SNTG1: variants seen among roughly 807,000 people sequenced by gnomAD.
SNTG1 encodes the protein syntrophin gamma 1, also known as gamma-1-syntrophin.
Under a neutral mutation model 74.7 loss-of-function variants are expected in SNTG1, and 39 were observed. The observed-to-expected ratio is 0.52, with a 90% CI of 0.40 to 0.68. SNTG1 has a LOEUF of 0.68. Among genes scored for constraint, SNTG1 ranks in the 30% least tolerant of loss-of-function variants. The probability of loss-of-function intolerance (pLI) is 0.00; values close to 1 mark genes in which losing one functional copy is unlikely to be tolerated. For synonymous variants in SNTG1, 254 were observed against 217.1 expected (o/e 1.17, Z -1.49); for missense variants, 685 against 609.5 (o/e 1.12, Z -1.30).
At chr8:50,244,548 T>C (rs569718565) in intron 2 of SNTG1, among the ~76,000 whole-genome samples, 1 of 152,182 alleles carries the variant, frequency 6.6e-6, no homozygotes, top group Non-Finnish European at 1.5e-5. Flanking sequence ...CAAGCATATA[T>C]ATTTTTAAAT....
Position 50,710,608 on chromosome 8 carries a change from G to A in SNTG1, c.1284+1630G>A, listed in dbSNP as rs1282147396. Among the ~76,000 whole-genome samples the A allele has an allele frequency of 2.0e-5, 3 of 152,174 alleles. No individual in the cohort carries two copies. The East Asian group carries it at 5.8e-4, about 29-fold the overall frequency. Reference sequence around the variant, plus strand: ...AAAATTCACATGAATATATTTCTGAGTATGCGAATCTATTCTGAGTTTATT... The same window carrying A: ...AAAATTCACATGAATATATTTCTGAATATGCGAATCTATTCTGAGTTTATT... On this transcript the variant is annotated intron_variant, in intron 17 of 18. Coordinates refer to ENST00000642720, the MANE Select transcript of SNTG1 (RefSeq NM_018967.5).
At chr8:50,274,732 T>G (rs2087996833) in intron 2 of SNTG1, among the ~76,000 whole-genome samples, 1 of 152,154 alleles carries the variant, frequency 6.6e-6, no homozygotes, top group Non-Finnish European at 1.5e-5. Context: ...TCTCTCTATA[T>G]TCCTAATTTG....
chr8:50,661,904 A>T (rs2095225750), intron 15 of SNTG1, among the ~76,000 whole-genome samples: 1 of 152,150 alleles, frequency 6.6e-6, no homozygotes. Flanking sequence ...TTGACATTAG[A>T]CATATAAAGC....
chr8:50,424,983 A>C (rs903929694), intron 4 of SNTG1, among the ~76,000 whole-genome samples: 1 of 152,198 alleles, frequency 6.6e-6, no homozygotes. Flanking sequence ...GGAATATAAA[A>C]AGTGTATGTG....
intron 2 of SNTG1, among the ~76,000 whole-genome samples, chr8:50,185,146 CAT>C (rs2083334443): frequency 6.6e-6 from 1 of 152,174 alleles, no homozygotes; most frequent in East Asian, 1.9e-4. Context: ...GTAATCCCCA[CAT>C]GTCAAGGGCA....
At chr8:49,979,344 C>A (rs1391780182) in intron 1 of SNTG1, among the ~76,000 whole-genome samples, 1 of 152,236 alleles carries the variant, frequency 6.6e-6, no homozygotes, top group African/African-American at 2.4e-5. Flanking sequence ...TGTCCTACAG[C>A]CGTTTCAGCA....
chr8:50,677,104 A>G (rs1473817392), intron 15 of SNTG1, among the ~76,000 whole-genome samples: 1 of 152,004 alleles, frequency 6.6e-6, no homozygotes, highest in Non-Finnish European at 1.5e-5. Context: ...TTTATGAATG[A>G]TTATGGATTT....
intron 4 of SNTG1, among the ~76,000 whole-genome samples, chr8:50,419,414 A>G (rs1013706344): frequency 2.6e-5 from 4 of 152,186 alleles, no homozygotes; most frequent in African/African-American, 9.7e-5. Flanking sequence ...AAATGGGAAC[A>G]AGGACTTTCA....
intron 5 of SNTG1, among the ~76,000 whole-genome samples, chr8:50,442,844 G>A (rs1300975275): frequency 1.3e-5 from 2 of 152,146 alleles, no homozygotes; most frequent in Admixed American, 6.5e-5. Context: ...GGCAGAAACT[G>A]CTCCTTTGAA....
intron 8 of SNTG1, among the ~76,000 whole-genome samples, chr8:50,476,097 A>T (rs2093695333): frequency 6.6e-6 from 1 of 152,160 alleles, no homozygotes; most frequent in Non-Finnish European, 1.5e-5. Flanking sequence ...CATCTTCATT[A>T]TCAAATTGAC....
At chr8:50,366,465 G>A (rs61498509) in intron 2 of SNTG1, among the ~76,000 whole-genome samples, 2,946 of 151,858 alleles carry the variant, frequency 0.019, 98 homozygotes, top group African/African-American at 0.068. Flanking sequence ...TTCATAACAA[G>A]CCCCTTTCAA....
intron 2 of SNTG1, among the ~76,000 whole-genome samples, chr8:50,381,618 TTA>T (rs1331301961): frequency 1.5e-5 from 2 of 132,340 alleles, no homozygotes; most frequent in South Asian, 2.4e-4. Context: ...CTCCTATTAG[TTA>T]TATATATATA....
chr8:50,228,384 A>T (rs2085450339), intron 2 of SNTG1, among the ~76,000 whole-genome samples: 1 of 151,958 alleles, frequency 6.6e-6, no homozygotes, highest in Admixed American at 6.6e-5. Flanking sequence ...GATAGCTAAG[A>T]ACTTTCCCAA....
Position 50,167,896 on chromosome 8 carries a change from A to G in SNTG1, c.-102-4665A>G, listed in dbSNP as rs200877907. On this transcript the variant is annotated intron_variant, in intron 1 of 18. Transcript: ENST00000642720. ...AAGTATTATTTTGAGAGAGATTTAG[A>G]AAGCCATTAATTAGTTTGCATATCA... is the stretch of plus-strand genomic sequence containing the variant. Among the ~76,000 whole-genome samples, 5 of 151,986 alleles carry G rather than the reference A, an allele frequency of 3.3e-5. No individual in the cohort carries two copies. The East Asian group carries it at 7.7e-4, about 23-fold the overall frequency.
intron 18 of SNTG1, chr8:50,762,629 C>A: frequency 2.3e-6 from 1 of 432,186 alleles, no homozygotes; most frequent in South Asian, 1.8e-5. Flanking sequence ...CCAGGTGATG[C>A]CTTTGTTCTT....
intron 4 of SNTG1, among the ~76,000 whole-genome samples, chr8:50,422,711 G>A (rs1321136990): frequency 6.6e-6 from 1 of 152,102 alleles, no homozygotes; most frequent in African/African-American, 2.4e-5. Flanking sequence ...ATGGAGCCAG[G>A]TGTTAGACAT....
intron 8 of SNTG1, among the ~76,000 whole-genome samples, chr8:50,472,947 G>A (rs1009621983): frequency 3.3e-5 from 5 of 151,950 alleles, no homozygotes; most frequent in African/African-American, 4.8e-5. Context: ...CACACTAATC[G>A]TTAGGGAAAT....
chr8:50,013,181 C>A (rs544157385), intron 1 of SNTG1, among the ~76,000 whole-genome samples: 2 of 152,226 alleles, frequency 1.3e-5, no homozygotes, highest in Non-Finnish European at 2.9e-5. Flanking sequence ...ATACTGTAGT[C>A]TTGCTAGTGT....
At chr8:49,951,698 T>G (rs1293094850) in intron 1 of SNTG1, among the ~76,000 whole-genome samples, 2 of 151,322 alleles carry the variant, frequency 1.3e-5, no homozygotes, top group Non-Finnish European at 2.9e-5. Context: ...GCATGGCACA[T>G]GTATACATAT....
Sources: allele counts gnomAD v4.1 joint callset (sites outside exome capture counted in the v4.1 genomes callset), GRCh38; gene constraint gnomAD v4.1.1; transcripts MANE v1.5; gene names NCBI Gene and HGNC (gene_info 2026-07-23, HGNC 2026-07-21).